CDH12: variants seen among roughly 807,000 people sequenced by gnomAD.
CDH12 encodes the protein cadherin 12.
In CDH12, 41 loss-of-function variants were observed where a neutral mutation model predicts 74.1. The ratio of observed to expected loss-of-function variants is 0.55; its 90% CI spans 0.43 to 0.72. CDH12 has a LOEUF of 0.72. Ranked by LOEUF, CDH12 falls within the 30% of genes least tolerant of loss-of-function variation. The pLI is 0.00. For missense variants in CDH12, 945 were observed against 977.2 expected, an observed-to-expected ratio of 0.97 and a Z score of 0.44; for synonymous variants, 399 against 355.0, an observed-to-expected ratio of 1.12 and a Z score of -1.39.
At chr5:22,646,658 CA>C (rs1739448907) in intron 1 of CDH12, among the ~76,000 whole-genome samples, 1 of 151,850 alleles carries the variant, frequency 6.6e-6, no homozygotes, top group Non-Finnish European at 1.5e-5. Context: ...ATAAAAACAA[CA>C]ACAACACCAA....
At chr5:21,947,997 G>A (rs1228549094) in intron 6 of CDH12, among the ~76,000 whole-genome samples, 2 of 152,190 alleles carry the variant, frequency 1.3e-5, no homozygotes, top group East Asian at 3.9e-4. Flanking sequence ...TATGATGTTG[G>A]GCCTGAGGGT....
intron 4 of CDH12, among the ~76,000 whole-genome samples, chr5:22,202,655 G>A (rs999001944): frequency 3.9e-5 from 6 of 152,082 alleles, no homozygotes; most frequent in Non-Finnish European, 8.8e-5. Context: ...GTGAACACTT[G>A]TCCACGTCAG....
Position 22,307,981 on chromosome 5 carries a change from C to T in CDH12, c.-332-95338G>A, listed in dbSNP as rs191450395. On this transcript the variant is annotated intron_variant, in intron 3 of 14. Transcript: ENST00000382254. The stretch of plus-strand genomic sequence containing the variant: ...CTGCAGGCTCTGCCTCCTGGGTTCA[C>T]GCCATTCTCCTGCCTCAGCCTCCCA... 3.0e-4 allele frequency among the ~76,000 whole-genome samples: 42 copies of T among 139,470 alleles called. 3 individuals carry two copies. In the South Asian group the frequency reaches 7.4e-3, roughly 25 times the overall value. The allele number at this position is 139,470 out of a possible 152,430, so 91.5% of individuals were successfully genotyped here.
chr5:22,460,713 A>ATTCTTTTTTTTTTTTTTTTTT (rs1745467348), intron 2 of CDH12, among the ~76,000 whole-genome samples: 1 of 85,622 alleles, frequency 1.2e-5, no homozygotes, highest in African/African-American at 5.1e-5. Flanking sequence ...ATATCTAGCA[A>ATTCTTTTTTTTTTTTTTTTTT]TTTTTTTTTT....
chr5:22,523,307 C>T (rs1392767117), intron 1 of CDH12, among the ~76,000 whole-genome samples: 5 of 152,026 alleles, frequency 3.3e-5, no homozygotes, highest in Admixed American at 3.3e-4. Flanking sequence ...AATTCTATAT[C>T]TATATATGCA....
At chr5:22,648,190 T>C (rs554667317) in intron 1 of CDH12, among the ~76,000 whole-genome samples, 11 of 151,952 alleles carry the variant, frequency 7.2e-5, no homozygotes, top group Non-Finnish European at 1.3e-4. Context: ...TCCACAAGCG[T>C]TGGCAATTCC....
chr5:22,384,312 C>G (rs1741897054), intron 3 of CDH12, among the ~76,000 whole-genome samples: 1 of 151,156 alleles, frequency 6.6e-6, no homozygotes, highest in Non-Finnish European at 1.5e-5. Flanking sequence ...ATCACGAGGT[C>G]AGGAGATTGA....
intron 1 of CDH12, among the ~76,000 whole-genome samples, chr5:22,804,477 G>T (rs1748686215): frequency 6.6e-6 from 1 of 152,168 alleles, no homozygotes; most frequent in African/African-American, 2.4e-5. Flanking sequence ...CAGTCAACAA[G>T]CTGGAAACCA....
At chr5:22,506,964 A>T (rs1160670773) in intron 1 of CDH12, among the ~76,000 whole-genome samples, 1 of 152,128 alleles carries the variant, frequency 6.6e-6, no homozygotes, top group Non-Finnish European at 1.5e-5. Flanking sequence ...TTCTTTATGA[A>T]ATGCTCCTCT....
chr5:22,510,596 A>T (rs531495337), intron 1 of CDH12, among the ~76,000 whole-genome samples: 5 of 152,184 alleles, frequency 3.3e-5, no homozygotes, highest in Non-Finnish European at 7.3e-5. Flanking sequence ...CAGACGCTCA[A>T]GTCTTTTATG....
intron 5 of CDH12, among the ~76,000 whole-genome samples, chr5:22,021,595 A>C (rs1737980402): frequency 6.6e-6 from 1 of 152,220 alleles, no homozygotes; most frequent in Admixed American, 6.5e-5. Flanking sequence ...GTACTCGTAC[A>C]ACCATTTTGC....
chr5:21,769,437 G>T (rs1453523743), intron 11 of CDH12, among the ~76,000 whole-genome samples: 3 of 152,014 alleles, frequency 2.0e-5, no homozygotes, highest in African/African-American at 7.2e-5. Context: ...AATGTAAAAT[G>T]ACAATTGTAC....
intron 5 of CDH12, among the ~76,000 whole-genome samples, chr5:22,013,725 A>T (rs970582397): frequency 5.3e-5 from 8 of 152,196 alleles, no homozygotes; most frequent in Admixed American, 5.2e-4. Context: ...ATAGGATCCT[A>T]TGAGACAAGC....
chr5:22,153,092 G>A (rs528297489), intron 4 of CDH12, among the ~76,000 whole-genome samples: 108 of 152,216 alleles, frequency 7.1e-4, no homozygotes, highest in African/African-American at 2.4e-3. Flanking sequence ...TATTTTTACA[G>A]GGTGGTGATT....
At chr5:21,765,324 A>G (rs935301918) in intron 11 of CDH12, among the ~76,000 whole-genome samples, 60 of 152,134 alleles carry the variant, frequency 3.9e-4, no homozygotes, top group African/African-American at 1.4e-3. Flanking sequence ...ATATTTTAGC[A>G]TAAGTGTAGC....
intron 1 of CDH12, among the ~76,000 whole-genome samples, chr5:22,593,772 T>C (rs770084220): frequency 4.6e-5 from 7 of 152,196 alleles, no homozygotes; most frequent in Non-Finnish European, 7.4e-5. Context: ...ACAGATAATA[T>C]ATGCAGGTAT....
intron 1 of CDH12, among the ~76,000 whole-genome samples, chr5:22,604,626 T>TA (rs973621890): frequency 1.3e-5 from 2 of 152,114 alleles, no homozygotes; most frequent in Non-Finnish European, 1.5e-5. Context: ...ATATTGCATC[T>TA]AAAAAAACCT....
chr5:22,318,770 T>C (rs1037339025), intron 3 of CDH12, among the ~76,000 whole-genome samples: 7 of 152,188 alleles, frequency 4.6e-5, no homozygotes, highest in Non-Finnish European at 8.8e-5. Flanking sequence ...TATATGTACA[T>C]GTGCATGTGT....
intron 4 of CDH12, among the ~76,000 whole-genome samples, chr5:22,159,251 A>G (rs1020438496): frequency 5.9e-5 from 9 of 152,210 alleles, no homozygotes; most frequent in Non-Finnish European, 8.8e-5. Context: ...TGGTACAAAA[A>G]GAAGGAAATA....
Sources: gnomAD v4.1 joint callset for allele counts (sites outside exome capture counted in the v4.1 genomes callset) on GRCh38, gnomAD v4.1.1 for gene constraint, MANE v1.5 for transcripts, NCBI Gene and HGNC (gene_info 2026-07-23, HGNC 2026-07-21) for gene names.